DISP1: variants seen among roughly 807,000 people sequenced by gnomAD.
DISP1 encodes the protein protein dispatched homolog 1.
A neutral mutation model predicts 37.3 loss-of-function variants in DISP1; 30 were observed. The ratio of observed to expected loss-of-function variants is 0.80; its 90% CI spans 0.60 to 1.09. DISP1 has a LOEUF of 1.09. Among genes scored for constraint, DISP1 ranks in the 50% least tolerant of loss-of-function variants. The pLI, the probability that DISP1 is intolerant of heterozygous loss-of-function variation, is 0.00. For synonymous variants in DISP1, 634 were observed against 690.2 expected, an observed-to-expected ratio of 0.92 and a Z score of 1.28; for missense variants, 1,598 against 1,879.5, an observed-to-expected ratio of 0.85 and a Z score of 2.77.
chr1:222,965,734 T>A (rs1048416319), intron 3 of DISP1, among the ~76,000 whole-genome samples: 3 of 152,180 alleles, frequency 2.0e-5, no homozygotes, highest in African/African-American at 7.2e-5. Flanking sequence ...CCCCATCAAC[T>A]TTTTAAAATT....
chr1:222,972,990 C>T (rs1474031999), intron 3 of DISP1, among the ~76,000 whole-genome samples: 1 of 152,120 alleles, frequency 6.6e-6, no homozygotes, highest in East Asian at 1.9e-4. Flanking sequence ...CTTGGTATCA[C>T]TTAAACTGGC....
At chr1:222,874,587 C>T (rs887063211) in intron 1 of DISP1, among the ~76,000 whole-genome samples, 34 of 152,178 alleles carry the variant, frequency 2.2e-4, no homozygotes, top group South Asian at 1.5e-3. Flanking sequence ...ATGTAGTTCT[C>T]GTGCCTTGGT....
rs2102760290 is a variant in DISP1, at chr1:222,994,887, G to T, written c.892G>T (p.Asp298Tyr). 1 of 1,604,286 alleles carries T rather than the reference G, an allele frequency of 6.2e-7. No individual in the cohort carries two copies. Among genetic ancestry groups the T allele is most frequent in the South Asian group, 1.1e-5 (1 of 90,860 alleles). ...KDSFFCDVPS[D>Y]RYSRVVFTSS... is the part of the protein sequence containing the mutation. ...CCTTTTTTTTTTCATATCACCAGGT[G>T]ACCGATATTCCAGAGTGGTATTTAC... The change falls in exon 8 of 9, where the codon GAC (aspartate) becomes TAC (tyrosine). Residue 298 changes from aspartate to tyrosine, a missense_variant and splice_region_variant. Physicochemically the swap from Asp to Tyr is radical, Grantham distance 160 (BLOSUM62 -3). Coordinates refer to ENST00000675850, the MANE Select transcript of DISP1 (RefSeq NM_001377229.1).
At chr1:222,821,994 A>G (rs1235591505) in intron 1 of DISP1, among the ~76,000 whole-genome samples, 1 of 152,054 alleles carries the variant, frequency 6.6e-6, no homozygotes, top group Non-Finnish European at 1.5e-5. Flanking sequence ...CCATGATTGT[A>G]AGTTTCCTGG....
At chr1:222,848,257 C>T (rs1668031063) in intron 1 of DISP1, among the ~76,000 whole-genome samples, 1 of 151,928 alleles carries the variant, frequency 6.6e-6, no homozygotes, top group Non-Finnish European at 1.5e-5. Context: ...TAGTATTTAT[C>T]GCCTAGAGTG....
chr1:222,863,835 C>T (rs569322993), intron 1 of DISP1, among the ~76,000 whole-genome samples: 56 of 152,206 alleles, frequency 3.7e-4, no homozygotes, highest in African/African-American at 1.1e-3. Context: ...TGTCCTTTTG[C>T]TTTGTCTTAA....
chr1:222,900,306 T>C lies in DISP1; in HGVS notation c.-158-28124T>C, dbSNP rs372731241. Among the ~76,000 whole-genome samples the C allele has an allele frequency of 5.3e-5, 8 of 152,332 alleles. No individual in the cohort carries two copies. In the East Asian group the frequency reaches 5.8e-4, roughly 11 times the overall value. On this transcript the variant is annotated intron_variant, in intron 1 of 8. Transcript: ENST00000675850. ...ATTGATAAAATGAGGATAATCTTAG[T>C]ACTTGCCTCTTTTGCTAAGAATGAG...
intron 3 of DISP1, among the ~76,000 whole-genome samples, chr1:222,977,998 G>A (rs1372607164): frequency 2.6e-5 from 4 of 151,880 alleles, no homozygotes; most frequent in Non-Finnish European, 4.4e-5. Flanking sequence ...ATAAACATAC[G>A]TGTGCATGTG....
chr1:222,936,999 T>G (rs548472921), intron 2 of DISP1, among the ~76,000 whole-genome samples: 6,258 of 105,946 alleles, frequency 0.059, 234 homozygotes, highest in Non-Finnish European at 0.077. Flanking sequence ...TAATATTATA[T>G]AATATAGAAT....
At chr1:222,932,433 T>C (rs1673457256) in intron 2 of DISP1, among the ~76,000 whole-genome samples, 1 of 152,010 alleles carries the variant, frequency 6.6e-6, no homozygotes, top group Non-Finnish European at 1.5e-5. Flanking sequence ...TTAAGACTTG[T>C]AGCAGAGTCT....
chr1:222,902,332 G>A lies in DISP1; in HGVS notation c.-158-26098G>A, dbSNP rs558262394. Among the ~76,000 whole-genome samples the A allele has an allele frequency of 2.6e-4, 39 of 152,278 alleles. 1 individual carries two copies. In the South Asian group the frequency reaches 7.9e-3, roughly 31 times the overall value. On this transcript the variant is annotated intron_variant, in intron 1 of 8. Transcript: ENST00000675850. ...TCCCTCTACACACTGCTTTGAATGT[G>A]TCGCAGAGATTCTGAACCCTAGAAG...
chr1:222,901,219 A>T (rs1194271275), intron 1 of DISP1, among the ~76,000 whole-genome samples: 1 of 152,218 alleles, frequency 6.6e-6, no homozygotes, highest in Non-Finnish European at 1.5e-5. Flanking sequence ...GAAGTAGGTC[A>T]TGAACCAAAC....
intron 1 of DISP1, among the ~76,000 whole-genome samples, chr1:222,919,276 G>C (rs915158926): frequency 1.2e-4 from 19 of 152,338 alleles, no homozygotes; most frequent in African/African-American, 4.1e-4. Flanking sequence ...CATAAATGCA[G>C]AATGTTGGCA....
At chr1:222,874,018 C>T (rs555648122) in intron 1 of DISP1, among the ~76,000 whole-genome samples, 1 of 152,228 alleles carries the variant, frequency 6.6e-6, no homozygotes, top group South Asian at 2.1e-4. Context: ...GATTTTATTT[C>T]TCCTTCACTT....
Position 223,005,761 on chromosome 1 carries a change from T to G in DISP1, c.4364T>G (p.Phe1455Cys). Residue 1455 changes from phenylalanine to cysteine, a missense_variant, in exon 9 of 9, where the codon TTC (phenylalanine) becomes TGC (cysteine). Transcript: ENST00000675850. ...QTDASVNSEH[F>C]NQNEPKVLFN... is the part of the protein sequence containing the mutation. ...GATGCAAGTGTGAACTCAGAACATT[T>G]CAATCAGAATGAACCAAAAGTCCTA... is the stretch of plus-strand genomic sequence containing the variant. 6.2e-7 allele frequency: 1 copy of G among 1,614,220 alleles called. No homozygotes were observed. Among genetic ancestry groups the G allele is most frequent in the Non-Finnish European group, 8.5e-7 (1 of 1,180,044 alleles).
At chr1:222,966,397 C>G (rs937354362) in intron 3 of DISP1, among the ~76,000 whole-genome samples, 1 of 151,962 alleles carries the variant, frequency 6.6e-6, no homozygotes, top group Non-Finnish European at 1.5e-5. Flanking sequence ...AGATCTATAC[C>G]TCATAAGTCA....
At chr1:222,970,601 G>T (rs1408383339) in intron 3 of DISP1, among the ~76,000 whole-genome samples, 1 of 152,046 alleles carries the variant, frequency 6.6e-6, no homozygotes, top group Non-Finnish European at 1.5e-5. Flanking sequence ...AATTCCACAG[G>T]AAAATACAAT....
chr1:222,841,880 T>C (rs1357773777), intron 1 of DISP1, among the ~76,000 whole-genome samples: 1 of 152,198 alleles, frequency 6.6e-6, no homozygotes, highest in African/African-American at 2.4e-5. Context: ...TAAAGTATTC[T>C]TTCTGGCTGA....
At chr1:222,983,582 A>C (rs1482637404) in intron 4 of DISP1, among the ~76,000 whole-genome samples, 1 of 151,808 alleles carries the variant, frequency 6.6e-6, no homozygotes, top group Non-Finnish European at 1.5e-5. Flanking sequence ...GTGCCACTGT[A>C]CTCCAGCCTG....
Sources: gnomAD v4.1 joint callset for allele counts (sites outside exome capture counted in the v4.1 genomes callset) on GRCh38, gnomAD v4.1.1 for gene constraint, MANE v1.5 for transcripts, NCBI Gene and HGNC (gene_info 2026-07-23, HGNC 2026-07-21) for gene names.